The following CLIC5 variants were observed in gnomAD, a reference collection of about 807,000 sequenced individuals.
The protein encoded by CLIC5 is CLIC family member 5, also known as chloride intracellular channel protein 5.
A neutral mutation model predicts 24.7 loss-of-function variants in CLIC5; 20 were observed. The ratio of observed to expected loss-of-function variants is 0.81; its 90% CI spans 0.57 to 1.18. The LOEUF (loss-of-function observed/expected upper bound fraction) is 1.18, where lower values mean the gene tolerates loss of function less well. Ranked by LOEUF, CLIC5 falls within the 50% of genes most tolerant of loss-of-function variation. The pLI, the probability that CLIC5 is intolerant of heterozygous loss-of-function variation, is 0.00. For missense variants in CLIC5, 341 were observed against 326.1 expected, an observed-to-expected ratio of 1.05 and a Z score of -0.35; for synonymous variants, 159 against 135.6, an observed-to-expected ratio of 1.17 and a Z score of -1.20.
chr6:45,997,548 T>C (rs1050241526), intron 1 of CLIC5, among the ~76,000 whole-genome samples: 4 of 151,466 alleles, frequency 2.6e-5, no homozygotes, highest in African/African-American at 7.3e-5. Flanking sequence ...TCTTGGCTTC[T>C]GCCTTGAAGA....
intron 4 of CLIC5, among the ~76,000 whole-genome samples, chr6:45,929,427 G>A (rs1355758400): frequency 1.3e-5 from 2 of 152,156 alleles, no homozygotes; most frequent in Admixed American, 1.3e-4. Context: ...GGGTCCCACC[G>A]AGCCTAGGTT....
At chr6:46,075,825 T>C (rs1258788254) in intron 1 of CLIC5, among the ~76,000 whole-genome samples, 1 of 152,184 alleles carries the variant, frequency 6.6e-6, no homozygotes, top group Non-Finnish European at 1.5e-5. Flanking sequence ...TTAGCGAATA[T>C]CAGCTTTCTC....
At chr6:46,024,432 T>G (rs1229756685) in intron 1 of CLIC5, among the ~76,000 whole-genome samples, 1 of 152,156 alleles carries the variant, frequency 6.6e-6, no homozygotes. Flanking sequence ...AAGACCATTT[T>G]TACTTCTGCT....
At chr6:45,934,737 A>G (rs1431939079) in intron 4 of CLIC5, among the ~76,000 whole-genome samples, 1 of 152,268 alleles carries the variant, frequency 6.6e-6, no homozygotes, top group East Asian at 1.9e-4. Context: ...CTCTCCAGCT[A>G]AAAAGAAAAG....
intron 1 of CLIC5, among the ~76,000 whole-genome samples, chr6:45,995,560 T>C (rs1175983569): frequency 6.6e-6 from 1 of 152,228 alleles, no homozygotes. Flanking sequence ...TTCTGTTTTC[T>C]CTATTAAAAG....
At chr6:45,898,307 CT>C (rs1306196601), downstream of CLIC5, 1 of 151,824 alleles carries the variant, frequency 6.6e-6, no homozygotes, top group East Asian at 1.9e-4. Flanking sequence ...TCCAGGCATG[CT>C]TTGATTTTTA....
At position 46,006,696 on chromosome 6, in the gene CLIC5, T is replaced by TG. The variant is rs1424890743; in HGVS notation, c.63+8783dup. Among the ~76,000 whole-genome samples, 3 of 149,796 alleles carry TG rather than the reference T, an allele frequency of 2.0e-5. No individual in the cohort carries two copies. The East Asian group carries it at 5.8e-4, about 29-fold the overall frequency. On this transcript the variant is annotated intron_variant, in intron 1 of 5. Coordinates refer to ENST00000339561, the MANE Select transcript of CLIC5 (RefSeq NM_016929.5). ...CTTTTTTTTCCTTTTTTTTTTTTTT[T>TG]GAGACAGTCTTGCTCTGTCACCAGG... is the stretch of plus-strand genomic sequence containing the variant.
chr6:46,056,388 G>A (rs2127467925), intron 1 of CLIC5, among the ~76,000 whole-genome samples: 1 of 152,282 alleles, frequency 6.6e-6, no homozygotes, highest in East Asian at 1.9e-4. Context: ...CAGCCCTGCA[G>A]GCAACTGGCT....
chr6:46,123,660 A>T, the CLIC5 span, among the ~76,000 whole-genome samples: 1 of 152,220 alleles, frequency 6.6e-6, no homozygotes, highest in Non-Finnish European at 1.5e-5. Flanking sequence ...TTTGCAGATG[A>T]CATGATTGTA....
chr6:46,013,844 G>T lies in CLIC5; in HGVS notation c.63+1636C>A, dbSNP rs144534642. 9.9e-4 allele frequency among the ~76,000 whole-genome samples: 150 copies of T among 152,254 alleles called. 2 individuals are homozygous for T. The East Asian group carries it at 0.017, about 18-fold the overall frequency. ...AGGAATCTGAGTAAGTCCTAGAATC[G>T]CTTTCTTCAAGGAGAGCAGCAAGAC... is the stretch of plus-strand genomic sequence containing the variant. On this transcript the variant is annotated intron_variant, in intron 1 of 5. Coordinates refer to ENST00000339561, the MANE Select transcript of CLIC5 (RefSeq NM_016929.5).
intron 1 of CLIC5, among the ~76,000 whole-genome samples, chr6:45,974,495 G>GTATATATATATATATATA (rs1456137513): frequency 2.6e-5 from 2 of 76,560 alleles, no homozygotes; most frequent in African/African-American, 9.7e-5. Flanking sequence ...GTGTGTGTGT[G>GTATATATATATATATATA]TGTATATATA....
intron 1 of CLIC5, among the ~76,000 whole-genome samples, chr6:45,965,861 C>T (rs1358477055): frequency 6.6e-6 from 1 of 152,166 alleles, no homozygotes; most frequent in East Asian, 1.9e-4. Context: ...AATCCATTCC[C>T]CCTATATTTA....
intron 1 of CLIC5, among the ~76,000 whole-genome samples, chr6:45,974,532 G>C (rs867179363): frequency 4.7e-4 from 42 of 88,886 alleles, no homozygotes; most frequent in Non-Finnish European, 8.2e-4. Flanking sequence ...TAGAGAGAGA[G>C]AGAGAGAGAG....
intron 5 of CLIC5, among the ~76,000 whole-genome samples, chr6:45,904,701 C>G (rs1762607049): frequency 1.7e-5 from 1 of 58,880 alleles, no homozygotes. Context: ...TCCTTCCTCT[C>G]TCTTTCTCTC....
intron 1 of CLIC5, among the ~76,000 whole-genome samples, chr6:45,979,739 A>T (rs1489403277): frequency 2.8e-5 from 3 of 107,992 alleles, no homozygotes; most frequent in African/African-American, 7.9e-5. Flanking sequence ...AGTGATCCCC[A>T]CACACTACTT....
At chr6:46,078,368 A>G (rs1196533245) in intron 1 of CLIC5, among the ~76,000 whole-genome samples, 2 of 65,280 alleles carry the variant, frequency 3.1e-5, no homozygotes, top group African/African-American at 9.5e-5. Context: ...TCAAAAAAGA[A>G]AAAAAAAAAA....
chr6:45,940,199 G>C (rs1764082691), intron 4 of CLIC5, among the ~76,000 whole-genome samples: 1 of 152,154 alleles, frequency 6.6e-6, no homozygotes, highest in African/African-American at 2.4e-5. Context: ...CCCAGAAAAG[G>C]AGTCTCATGC....
At chr6:46,097,929 G>A in the CLIC5 span, among the ~76,000 whole-genome samples, 2 of 150,938 alleles carry the variant, frequency 1.3e-5, no homozygotes, top group East Asian at 1.9e-4. Context: ...CATCTGATGG[G>A]GTGTACACAC....
At chr6:45,887,772 C>A (rs1177008785) in intron 6 of CLIC5, among the ~76,000 whole-genome samples, 1 of 152,112 alleles carries the variant, frequency 6.6e-6, no homozygotes, top group Non-Finnish European at 1.5e-5. Context: ...TATGATGTAA[C>A]ATAACGCGTA....
Sources: gnomAD v4.1 joint callset for allele counts (sites outside exome capture counted in the v4.1 genomes callset) on GRCh38, gnomAD v4.1.1 for gene constraint, MANE v1.5 for transcripts, NCBI Gene and HGNC (gene_info 2026-07-23, HGNC 2026-07-21) for gene names.